The following CWC27 variants were observed in gnomAD, a reference collection of about 807,000 sequenced individuals.
The protein encoded by CWC27 is spliceosome-associated protein CWC27 homolog.
CWC27 carries 47 observed loss-of-function variants against 63.6 expected under a neutral mutation model. The ratio of observed to expected loss-of-function variants is 0.74; its 90% CI spans 0.58 to 0.94. The LOEUF (loss-of-function observed/expected upper bound fraction) is 0.94. Among genes scored for constraint, CWC27 ranks in the 40% least tolerant of loss-of-function variants. The pLI is 0.00. For missense variants in CWC27, 495 were observed against 554.3 expected (o/e 0.89, Z 1.07); for synonymous variants, 175 against 179.8 (o/e 0.97, Z 0.22).
At position 64,804,330 on chromosome 5, in the gene CWC27, T is replaced by G; in HGVS notation, c.882T>G (p.Ser294Arg). The G allele has an allele frequency of 6.2e-7, 1 of 1,612,846 alleles. No individual in the cohort carries two copies. The highest frequency in any genetic ancestry group is 8.5e-7 in the Non-Finnish European group (1 of 1,179,514). Reference protein sequence around the residue: ...RIAKKLKKDTSANVKSAGEGE... With the variant: ...RIAKKLKKDTRANVKSAGEGE... ...CCAAAAAATTAAAAAAGGACACAAG[T>G]GCGAATGTTAAATCAGCTGGAGAAG... The change falls in exon 10 of 14, where the codon AGT (serine) becomes AGG (arginine). Residue 294 changes from serine (S) to arginine (R), a missense_variant. Transcript: ENST00000381070.
chr5:64,786,062 G>A (rs1431865006), intron 5 of CWC27, among the ~76,000 whole-genome samples: 1 of 151,582 alleles, frequency 6.6e-6, no homozygotes, highest in East Asian at 1.9e-4. Context: ...CTACTCAGGA[G>A]GCTGAGGCAG....
chr5:64,982,815 G>C (rs1749353086), intron 13 of CWC27, among the ~76,000 whole-genome samples: 1 of 152,160 alleles, frequency 6.6e-6, no homozygotes, highest in African/African-American at 2.4e-5. Flanking sequence ...CCAGACTGCA[G>C]ACTGGTACTG....
intron 3 of CWC27, among the ~76,000 whole-genome samples, chr5:64,782,389 A>G (rs759902517): frequency 6.6e-6 from 1 of 152,074 alleles, no homozygotes; most frequent in African/African-American, 2.4e-5. Flanking sequence ...TGGAGGTTGC[A>G]GTGAGCGGAG....
intron 11 of CWC27, among the ~76,000 whole-genome samples, chr5:64,924,946 G>C (rs1203154820): frequency 7.0e-6 from 1 of 142,970 alleles, no homozygotes; most frequent in African/African-American, 2.7e-5. Flanking sequence ...TTCCCTCTCT[G>C]TCTTTCTTAG....
At chr5:64,905,026 C>T (rs922241313) in intron 11 of CWC27, among the ~76,000 whole-genome samples, 1 of 151,824 alleles carries the variant, frequency 6.6e-6, no homozygotes, top group African/African-American at 2.4e-5. Context: ...CATGGTGAAA[C>T]CCCATCTCTA....
chr5:65,003,113 T>G lies in CWC27; in HGVS notation c.1257-15046T>G, dbSNP rs140571445. Among the ~76,000 whole-genome samples the G allele has an allele frequency of 7.9e-5, 12 of 152,378 alleles. No individual in the cohort carries two copies. The East Asian group carries it at 2.1e-3, about 27-fold the overall frequency. ...GATAAGTATAGCTATTTCTGCTCACTGTTTGGTTTCTGTTTGTGTGAAAAA... is the reference window on the plus strand; with the variant it reads ...GATAAGTATAGCTATTTCTGCTCACGGTTTGGTTTCTGTTTGTGTGAAAAA... On this transcript the variant is annotated intron_variant, in intron 13 of 13. Transcript: ENST00000381070.
intron 13 of CWC27, among the ~76,000 whole-genome samples, chr5:65,007,407 G>A (rs1188889011): frequency 2.0e-5 from 3 of 152,136 alleles, no homozygotes; most frequent in Non-Finnish European, 4.4e-5. Flanking sequence ...TAAGGATATT[G>A]CTCTACTTGG....
At chr5:64,938,744 G>A (rs10065292) in intron 11 of CWC27, among the ~76,000 whole-genome samples, 12,622 of 146,416 alleles carry the variant, frequency 0.086, 1,746 homozygotes, top group African/African-American at 0.3. Flanking sequence ...AGGTACACCA[G>A]TCAAACATAG....
At chr5:64,901,732 CTG>C (rs1156342911) in intron 11 of CWC27, among the ~76,000 whole-genome samples, 1 of 152,114 alleles carries the variant, frequency 6.6e-6, no homozygotes, top group Non-Finnish European at 1.5e-5. Flanking sequence ...TTTAACTTGA[CTG>C]TTTTGTAATC....
At chr5:64,995,008 A>T (rs982012956) in intron 13 of CWC27, among the ~76,000 whole-genome samples, 14 of 129,972 alleles carry the variant, frequency 1.1e-4, no homozygotes, top group East Asian at 2.2e-4. Context: ...AAGCTCTGAA[A>T]TTTTTTTTTT....
intron 9 of CWC27, among the ~76,000 whole-genome samples, chr5:64,803,605 T>C (rs1415801758): frequency 1.3e-5 from 2 of 151,976 alleles, no homozygotes; most frequent in Non-Finnish European, 2.9e-5. Context: ...CTGAAGGAGA[T>C]GAAAGAGCAA....
intron 10 of CWC27, among the ~76,000 whole-genome samples, chr5:64,836,723 A>G: frequency 6.6e-6 from 1 of 152,052 alleles, no homozygotes. Flanking sequence ...TAAATCACCC[A>G]ACAGAGTAAC....
At chr5:64,896,073 C>T (rs1450472912) in intron 11 of CWC27, among the ~76,000 whole-genome samples, 1 of 152,090 alleles carries the variant, frequency 6.6e-6, no homozygotes, top group African/African-American at 2.4e-5. Flanking sequence ...TAAATTCAGT[C>T]CTAGATGCAT....
At chr5:64,776,052 G>T (rs1478260152) in intron 2 of CWC27, among the ~76,000 whole-genome samples, 1 of 143,854 alleles carries the variant, frequency 7.0e-6, no homozygotes, top group Non-Finnish European at 1.5e-5. Context: ...AAAGAGAGAG[G>T]TGGGGAGGAG....
intron 11 of CWC27, among the ~76,000 whole-genome samples, chr5:64,898,739 T>C (rs905725054): frequency 6.6e-6 from 1 of 152,214 alleles, no homozygotes; most frequent in African/African-American, 2.4e-5. Flanking sequence ...ATTTCTCTCA[T>C]GCAGAACAAT....
At chr5:64,984,455 G>A (rs1376901210) in intron 13 of CWC27, among the ~76,000 whole-genome samples, 1 of 152,212 alleles carries the variant, frequency 6.6e-6, no homozygotes, top group African/African-American at 2.4e-5. Flanking sequence ...GGAGATGCAG[G>A]TGGGAGGATA....
intron 9 of CWC27, among the ~76,000 whole-genome samples, chr5:64,801,852 T>C (rs1317567888): frequency 6.6e-6 from 1 of 152,174 alleles, no homozygotes; most frequent in African/African-American, 2.4e-5. Context: ...AGAGTCAAGT[T>C]TTTCAAATTA....
intron 11 of CWC27, among the ~76,000 whole-genome samples, chr5:64,947,620 T>A (rs1010849916): frequency 6.6e-6 from 1 of 152,124 alleles, no homozygotes; most frequent in Non-Finnish European, 1.5e-5. Context: ...TTAACAGAAT[T>A]GGATAAGCTT....
At chr5:64,861,539 C>A (rs1455053136) in intron 10 of CWC27, among the ~76,000 whole-genome samples, 1 of 152,126 alleles carries the variant, frequency 6.6e-6, no homozygotes, top group Non-Finnish European at 1.5e-5. Flanking sequence ...TAGCACACTT[C>A]TGTGTTCATA....
Sources: gnomAD v4.1 joint callset for allele counts (sites outside exome capture counted in the v4.1 genomes callset) on GRCh38, gnomAD v4.1.1 for gene constraint, MANE v1.5 for transcripts, NCBI Gene and HGNC (gene_info 2026-07-23, HGNC 2026-07-21) for gene names.